Variants in CYLD observed in about 807,000 individuals in gnomAD.
The protein encoded by CYLD is CYLD lysine 63 deubiquitinase.
A neutral mutation model predicts 104.5 loss-of-function variants in CYLD; 26 were observed. The ratio of observed to expected loss-of-function variants is 0.25; its 90% CI spans 0.18 to 0.35. The LOEUF (loss-of-function observed/expected upper bound fraction) is 0.35, where lower values mean the gene tolerates loss of function less well. Ranked by LOEUF, CYLD falls within the 10% of genes least tolerant of loss-of-function variation. The pLI, the probability that CYLD is intolerant of heterozygous loss-of-function variation, is 1.00. For missense variants in CYLD, 703 were observed against 1,136.1 expected (o/e 0.62, Z 5.48); for synonymous variants, 385 against 399.9 (o/e 0.96, Z 0.45).
intron 5 of CYLD, among the ~76,000 whole-genome samples, chr16:50,758,569 C>G (rs61642303): frequency 0.052 from 7,881 of 152,128 alleles, 651 homozygotes; most frequent in African/African-American, 0.18. Context: ...TTGTAGTTAT[C>G]CACGTGAGAG....
At position 50,794,278 on chromosome 16, in the gene CYLD, G is replaced by A. The variant is rs1971752652; in HGVS notation, c.2536G>A (p.Asp846Asn). ...AGTGTCACTTCCCAAAGACTTACCC[G>A]ACTGGGACTGGAGACACGGCTGCAT... ...NPVSLPKDLP[D>N]WDWRHGCIPC... is the part of the protein sequence containing the mutation. Residue 846 changes from aspartate to asparagine, a missense_variant, in exon 18 of 19, where the codon GAC becomes AAC. Transcript: ENST00000427738. This position sits in a 1 kb window ranked among gnomAD's most constrained non-coding sequence, Gnocchi z 4.1. 3 of 1,614,110 alleles carry A rather than the reference G, an allele frequency of 1.9e-6. No homozygotes were observed. The highest frequency in any genetic ancestry group is 2.5e-6 in the Non-Finnish European group (3 of 1,180,018).
chr16:50,764,580 G>T (rs1341493220), intron 5 of CYLD, among the ~76,000 whole-genome samples: 1 of 152,054 alleles, frequency 6.6e-6, no homozygotes, highest in Non-Finnish European at 1.5e-5. Flanking sequence ...TTTTTTCAAA[G>T]GACCAACTTT....
intron 5 of CYLD, among the ~76,000 whole-genome samples, chr16:50,771,511 G>A (rs750613318): frequency 7.2e-5 from 11 of 152,200 alleles, no homozygotes; most frequent in Middle Eastern, 3.4e-3. Flanking sequence ...CAGTTCTGTT[G>A]GGTACTCCCT....
At chr16:50,755,167 ACATATG>A (rs1967046550) in intron 5 of CYLD, among the ~76,000 whole-genome samples, 1 of 49,758 alleles carries the variant, frequency 2.0e-5, no homozygotes, top group African/African-American at 1.2e-4. Context: ...ACACACGTGT[ACATATG>A]TGTGTGTATA....
At chr16:50,764,708 T>G (rs1199843495) in intron 5 of CYLD, among the ~76,000 whole-genome samples, 1 of 152,206 alleles carries the variant, frequency 6.6e-6, no homozygotes, top group East Asian at 1.9e-4. Flanking sequence ...TGGGATGCTT[T>G]TGTCTCCTGG....
chr16:50,778,165 T>C (rs1969872745), intron 8 of CYLD: 1 of 457,176 alleles, frequency 2.2e-6, no homozygotes, highest in Admixed American at 3.6e-5. Flanking sequence ...TTCCTTTAAC[T>C]GCTGATCTAT....
In CYLD at chr16:50,751,586, T is replaced by A. The variant is rs953229985; in HGVS notation, c.505-18T>A. The A allele has an allele frequency of 1.9e-6, 3 of 1,612,394 alleles. No individual in the cohort carries two copies. The highest frequency in any genetic ancestry group is 2.5e-6 in the Non-Finnish European group (3 of 1,178,646). On this transcript the variant is annotated intron_variant, in intron 3 of 18. Coordinates refer to ENST00000427738, the MANE Select transcript of CYLD (RefSeq NM_001378743.1). ...GTCTTTCTATATCTATTTCTTTCCC[T>A]TCTCTCTTAAAAACTAGGAAGAAGG...
At chr16:50,771,744 GACTT>G (rs1378099789) in intron 5 of CYLD, among the ~76,000 whole-genome samples, 3 of 152,234 alleles carry the variant, frequency 2.0e-5, no homozygotes, top group African/African-American at 7.2e-5. Flanking sequence ...TAAGTTGTGA[GACTT>G]AAGTAGAATT....
intron 14 of CYLD, among the ~76,000 whole-genome samples, chr16:50,789,706 T>C (rs1281334566): frequency 6.6e-6 from 1 of 152,048 alleles, no homozygotes; most frequent in Non-Finnish European, 1.5e-5. Context: ...AGTCAGCAGA[T>C]GCAACAAATA....
At chr16:50,788,333 A>T in intron 14 of CYLD, among the ~76,000 whole-genome samples, 1 of 152,156 alleles carries the variant, frequency 6.6e-6, no homozygotes, top group East Asian at 1.9e-4. Flanking sequence ...AATGTAGTAA[A>T]GTTCTTAATG....
chr16:50,795,970 G>A (rs1188108670), intron 18 of CYLD, among the ~76,000 whole-genome samples: 1 of 152,216 alleles, frequency 6.6e-6, no homozygotes, highest in Non-Finnish European at 1.5e-5. Flanking sequence ...TTATGGTGAA[G>A]TGTGCTGGGT....
Position 50,798,614 on chromosome 16 carries a change from G to GAAAA in CYLD, c.*2119_*2122dup, listed in dbSNP as rs74757288. On this transcript the variant is annotated 3_prime_UTR_variant, in exon 19 of 19. Transcript: ENST00000427738. ...TAGGTAAGACTGGATTTAACAGTTGGAAAAAAAAAAAAAAAAGGAGAGAGA... is the reference window on the plus strand; with the variant it reads ...TAGGTAAGACTGGATTTAACAGTTGGAAAAAAAAAAAAAAAAAAAAGGAGAGAGA... The GAAAA allele has an allele frequency of 3.9e-5, 8 of 206,186 alleles. No individual in the cohort carries two copies. Among genetic ancestry groups the GAAAA allele is most frequent in the Non-Finnish European group, 6.5e-5 (7 of 107,114 alleles). The allele number at this position is 206,186 out of a possible 1,614,324, so 12.8% of individuals were successfully genotyped here. A position where few individuals can be genotyped will look rare whatever the true frequency, so the allele number is the denominator to read the frequency against.
At chr16:50,769,579 T>C (rs1968915418) in intron 5 of CYLD, among the ~76,000 whole-genome samples, 1 of 152,232 alleles carries the variant, frequency 6.6e-6, no homozygotes, top group Non-Finnish European at 1.5e-5. Flanking sequence ...TTTGCAGATA[T>C]ATGCTTTACA....
At chr16:50,775,889 A>G (rs532494882) in intron 6 of CYLD, among the ~76,000 whole-genome samples, 1 of 152,228 alleles carries the variant, frequency 6.6e-6, no homozygotes, top group Non-Finnish European at 1.5e-5. Context: ...TAAGAGATCA[A>G]ATAAAATTGA....
At chr16:50,788,157 C>G (rs1214885267) in intron 14 of CYLD, among the ~76,000 whole-genome samples, 1 of 152,078 alleles carries the variant, frequency 6.6e-6, no homozygotes, top group Non-Finnish European at 1.5e-5. Flanking sequence ...AATTAATGAA[C>G]CTTTTAAGAA....
At position 50,784,454 on chromosome 16, in the gene CYLD, A is replaced by G; in HGVS notation, c.1949+3A>G. ...GAAATTGTTAATCCTCTGAGAATGTAAGTAGAAAACAAATTGCTATTTTGC... is the reference window on the plus strand; with the variant it reads ...GAAATTGTTAATCCTCTGAGAATGTGAGTAGAAAACAAATTGCTATTTTGC... On this transcript the variant is annotated splice_donor_region_variant and intron_variant, in intron 12 of 18. Coordinates refer to ENST00000427738, the MANE Select transcript of CYLD (RefSeq NM_001378743.1). 6.2e-7 allele frequency: 1 copy of G among 1,612,308 alleles called. No homozygotes were observed. The highest frequency in any genetic ancestry group is 8.5e-7 in the Non-Finnish European group (1 of 1,179,582).
chr16:50,770,376 A>G (rs8053457), intron 5 of CYLD, among the ~76,000 whole-genome samples: 88,041 of 151,604 alleles, frequency 0.58, 26,742 homozygotes, highest in African/African-American at 0.75. Flanking sequence ...TTTGATTTGA[A>G]TTTACCTGAT....
chr16:50,794,464 G>T lies in CYLD; in HGVS notation c.2686+36G>T. On this transcript the variant is annotated intron_variant, in intron 18 of 18. Transcript: ENST00000427738. The surrounding 1 kb of genome is among the most constrained non-coding windows in gnomAD (Gnocchi z 4.1). ...CGCCTTTCTTCTGCATGTGGCACAG[G>T]GTTCTGGTTTGTAGTGGGACAGTTT... The T allele has an allele frequency of 6.2e-7, 1 of 1,600,214 alleles. No individual in the cohort carries two copies. Among genetic ancestry groups the T allele is most frequent in the East Asian group, 2.2e-5 (1 of 44,808 alleles).
At chr16:50,762,383 G>A (rs1968048821) in intron 5 of CYLD, among the ~76,000 whole-genome samples, 1 of 152,164 alleles carries the variant, frequency 6.6e-6, no homozygotes, top group African/African-American at 2.4e-5. Flanking sequence ...TATGAAATAT[G>A]GGTACAGATA....
Sources: gnomAD v4.1 joint callset for allele counts (sites outside exome capture counted in the v4.1 genomes callset) on GRCh38, gnomAD v4.1.1 for gene constraint, Gnocchi (gnomAD v3.1) non-coding constraint, MANE v1.5 for transcripts, NCBI Gene and HGNC (gene_info 2026-07-23, HGNC 2026-07-21) for gene names.